The following TTLL8 variants were observed in gnomAD, a reference collection of about 807,000 sequenced individuals.
TTLL8 encodes tubulin tyrosine ligase like 8.
TTLL8 carries 65 observed loss-of-function variants against 77.8 expected under a neutral mutation model. That is an observed-to-expected ratio of 0.84 (90% CI 0.68 to 1.03). The LOEUF (loss-of-function observed/expected upper bound fraction) is 1.03, where lower values mean the gene tolerates loss of function less well. Among genes scored for constraint, TTLL8 ranks in the 50% least tolerant of loss-of-function variants. TTLL8 has a pLI of 0.00. For missense variants in TTLL8, 910 were observed against 1,004.5 expected (o/e 0.91, Z 1.27); for synonymous variants, 402 against 422.8 (o/e 0.95, Z 0.60).
At chr22:50,052,057 T>C (rs1347181908) in intron 1 of TTLL8, among the ~76,000 whole-genome samples, 1 of 151,808 alleles carries the variant, frequency 6.6e-6, no homozygotes, top group East Asian at 1.9e-4. Flanking sequence ...CCAGCACCTC[T>C]CTGGGAACCC....
rs1252425955 is a variant in TTLL8, at chr22:50,044,789, C to T, written c.643+466G>A. 4.6e-5 allele frequency among the ~76,000 whole-genome samples: 7 copies of T among 152,188 alleles called. No individual in the cohort carries two copies. The highest frequency in any genetic ancestry group is 7.3e-5 in the Non-Finnish European group (5 of 68,046). ...AGAAATTACATTTTATTAAAACCAACAACCACAAAAAAGATTTGGGTTTTG... is the reference window on the plus strand; with the variant it reads ...AGAAATTACATTTTATTAAAACCAATAACCACAAAAAAGATTTGGGTTTTG... On this transcript the variant is annotated intron_variant, in intron 6 of 13. Coordinates refer to ENST00000266182, the Ensembl canonical transcript of TTLL8. The surrounding 1 kb of genome is among the most constrained non-coding windows in gnomAD (Gnocchi z 4.2).
intron 1 of TTLL8, among the ~76,000 whole-genome samples, chr22:50,051,689 C>T (rs781025495): frequency 3.8e-4 from 58 of 152,246 alleles, no homozygotes; most frequent in Middle Eastern, 3.4e-3. Flanking sequence ...CACTTCCACG[C>T]GGACCTCTAT....
chr22:50,042,029 T>C (rs2061374903), intron 6 of TTLL8, among the ~76,000 whole-genome samples: 1 of 152,086 alleles, frequency 6.6e-6, no homozygotes, highest in Admixed American at 6.5e-5. Context: ...GCAGGTGACT[T>C]CCTCCCTCCT....
chr22:50,030,752 C>T (rs760607803), exon 12 of TTLL8: 13 of 1,333,632 alleles, frequency 9.7e-6, no homozygotes, highest in South Asian at 1.2e-5. Flanking sequence ...ATGGGGGTCC[C>T]TGGGCAGGGT....
At chr22:50,049,493 T>G (rs2061431723) in intron 2 of TTLL8, among the ~76,000 whole-genome samples, 171 bp from the exon 5 acceptor site, 1 of 152,152 alleles carries the variant, frequency 6.6e-6, no homozygotes, top group East Asian at 1.9e-4. Context: ...GAGTCAGGCT[T>G]GGGGCATTCT....
intron 12 of TTLL8, among the ~76,000 whole-genome samples, chr22:50,028,394 C>T (rs918279832): frequency 2.6e-5 from 4 of 152,186 alleles, no homozygotes; most frequent in South Asian, 2.1e-4. Flanking sequence ...TGGGAGGCCA[C>T]GTCACTGGCC....
At position 50,041,318 on chromosome 22, in the gene TTLL8, G is replaced by C. The variant is rs371726239; in HGVS notation, c.831-41C>G. The stretch of plus-strand genomic sequence containing the variant: ...CCTCTCAACAGTCATCAGGGTCCTG[G>C]TGGGACAGGCAACAGAGGGCCTGGG... On this transcript the variant is annotated intron_variant, in intron 7 of 13. Coordinates refer to ENST00000266182, the Ensembl canonical transcript of TTLL8. The surrounding 1 kb of genome is among the most constrained non-coding windows in gnomAD (Gnocchi z 4.3). 1.9e-6 allele frequency: 1 copy of C among 515,006 alleles called. No homozygotes were observed. Among genetic ancestry groups the C allele is most frequent in the African/African-American group, 2.0e-5 (1 of 50,028 alleles). The allele number at this position is 515,006 out of a possible 1,614,324, so 31.9% of individuals were successfully genotyped here. A position where few individuals can be genotyped will look rare whatever the true frequency, so the allele number is the denominator to read the frequency against.
chr22:50,026,940 A>T (rs564502400), intron 12 of TTLL8, among the ~76,000 whole-genome samples: 4 of 151,570 alleles, frequency 2.6e-5, no homozygotes, highest in African/African-American at 9.7e-5. Context: ...AACTTTATTT[A>T]AAAAAAAAGT....
chr22:50,026,727 G>A (rs549440632), intron 12 of TTLL8, among the ~76,000 whole-genome samples: 186 of 152,246 alleles, frequency 1.2e-3, no homozygotes, highest in African/African-American at 3.2e-3. Flanking sequence ...GTCTACTTAC[G>A]GTCTGTCCTC....
exon 4 of TTLL8, chr22:50,047,239 T>C: frequency 7.3e-7 from 1 of 1,367,648 alleles, no homozygotes; most frequent in South Asian, 1.1e-5. Context: ...TGATAGTCAA[T>C]GATGTCCCTC....
intron 8 of TTLL8, among the ~76,000 whole-genome samples, chr22:50,040,348 G>A (rs533601205): frequency 1.3e-5 from 2 of 149,318 alleles, no homozygotes; most frequent in African/African-American, 4.9e-5. Flanking sequence ...CAGTGTGGAC[G>A]GACCTCACAG....
intron 1 of TTLL8, among the ~76,000 whole-genome samples, chr22:50,050,453 A>G (rs943710812): frequency 6.0e-5 from 9 of 151,206 alleles, no homozygotes; most frequent in African/African-American, 1.9e-4. Flanking sequence ...GCTCACTGCA[A>G]CCTGTCTTCC....
At chr22:50,022,249 T>TACTCCTCCGTCTGATGTGC (rs1354041103) in intron 12 of TTLL8, among the ~76,000 whole-genome samples, 1 of 142,224 alleles carries the variant, frequency 7.0e-6, no homozygotes, top group South Asian at 2.4e-4. Context: ...TGACAATGTG[T>TACTCCTCCGTCTGATGTGC]ACTCCTCCGT....
At chr22:50,045,081 AC>A (rs2146682858) in intron 6 of TTLL8, 173 bp downstream of exon 8, 1 of 557,690 alleles carries the variant, frequency 1.8e-6, no homozygotes, top group African/African-American at 2.0e-5. Flanking sequence ...GTTTAGCCCC[AC>A]GGTTAGAACA....
At chr22:50,051,246 C>T (rs2061442316) in intron 1 of TTLL8, among the ~76,000 whole-genome samples, 1 of 152,254 alleles carries the variant, frequency 6.6e-6, no homozygotes, top group Admixed American at 6.5e-5. Flanking sequence ...TATGCCTTTG[C>T]ATCCTCATAG....
intron 10 of TTLL8, 68 bp from the exon 12 acceptor site, chr22:50,032,177 C>T (rs1376349145): frequency 7.8e-7 from 1 of 1,288,388 alleles, no homozygotes; most frequent in Non-Finnish European, 1.0e-6. Context: ...GGCCGGTCCT[C>T]CCAGCCGTGC....
intron 10 of TTLL8, 36 bp downstream of exon 11, chr22:50,033,166 C>T (rs750090548): frequency 1.5e-6 from 2 of 1,300,550 alleles, no homozygotes; most frequent in Non-Finnish European, 2.0e-6. Context: ...AGCCCATTCC[C>T]TGGCCCGAGG....
intron 3 of TTLL8, 65 bp downstream of exon 5, chr22:50,049,184 C>G: frequency 1.5e-6 from 2 of 1,363,938 alleles, no homozygotes; most frequent in Non-Finnish European, 2.0e-6. Context: ...GGGCACGGAG[C>G]AGGGCGACGG....
chr22:50,046,901 T>C (rs545259639), intron 4 of TTLL8, among the ~76,000 whole-genome samples: 1 of 152,144 alleles, frequency 6.6e-6, no homozygotes, highest in Non-Finnish European at 1.5e-5. Context: ...CAGCCCCCAG[T>C]CAGCCCCATC....
Sources: allele counts gnomAD v4.1 joint callset (sites outside exome capture counted in the v4.1 genomes callset), GRCh38; gene constraint gnomAD v4.1.1; non-coding constraint Gnocchi (gnomAD v3.1); transcripts MANE v1.5; gene names NCBI Gene and HGNC (gene_info 2026-07-23, HGNC 2026-07-21).